RELN: variants seen among roughly 807,000 people sequenced by gnomAD.
The protein encoded by RELN is reelin.
Under a neutral mutation model 427.6 loss-of-function variants are expected in RELN, and 108 were observed. That is an observed-to-expected ratio of 0.25 (90% CI 0.22 to 0.30). The LOEUF (loss-of-function observed/expected upper bound fraction) is 0.30. RELN is among the 10% of genes least tolerant of loss of function. RELN has a pLI of 1.00. For missense variants in RELN, 3,715 were observed against 4,302.8 expected, an observed-to-expected ratio of 0.86 and a Z score of 3.82; for synonymous variants, 1,524 against 1,513.4, an observed-to-expected ratio of 1.01 and a Z score of -0.16.
At chr7:103,940,276 T>A (rs1388600742) in intron 1 of RELN, among the ~76,000 whole-genome samples, 2 of 152,176 alleles carry the variant, frequency 1.3e-5, no homozygotes, top group Admixed American at 6.5e-5. Flanking sequence ...ACTCTCCTTA[T>A]CTGTAAAAGA....
intron 2 of RELN, among the ~76,000 whole-genome samples, chr7:103,852,644 A>C (rs1368249663): frequency 6.6e-6 from 1 of 151,958 alleles, no homozygotes; most frequent in Non-Finnish European, 1.5e-5. Flanking sequence ...TCTGGCAAAG[A>C]AACTTCATTC....
chr7:103,989,558 CGCGGGAGCGCGGGACCGGGGCT>C lies in RELN; in HGVS notation c.-224_-203del, dbSNP rs1797183461. 6.8e-6 allele frequency: 3 copies of C among 440,450 alleles called. No homozygotes were observed. The highest frequency in any genetic ancestry group is 2.1e-5 in the African/African-American group (1 of 47,682). 27.3% of individuals were successfully genotyped at this position (440,450 alleles called of 1,614,324 possible). A position where few individuals can be genotyped will look rare whatever the true frequency, so the allele number is the denominator to read the frequency against. ...GGCGGCTCCCAAAGTTACTTTGGGC[CGCGGGAGCGCGGGACCGGGGCT>C]GCGGGCGCCGAGAGCGCGTCGTCTG... On this transcript the variant is annotated 5_prime_UTR_variant, in exon 1 of 65. Coordinates refer to ENST00000428762, the MANE Select transcript of RELN (RefSeq NM_005045.4). This position sits in a 1 kb window ranked among gnomAD's most constrained non-coding sequence, Gnocchi z 4.9.
chr7:103,722,063 T>A (rs979394189), intron 8 of RELN, among the ~76,000 whole-genome samples: 1 of 152,204 alleles, frequency 6.6e-6, no homozygotes, highest in African/African-American at 2.4e-5. Flanking sequence ...TGATCACACA[T>A]GGACTTCTGA....
intron 1 of RELN, among the ~76,000 whole-genome samples, chr7:103,950,997 T>C (rs771210872): frequency 6.6e-5 from 10 of 152,308 alleles, no homozygotes; most frequent in Non-Finnish European, 1.5e-4. Context: ...GGCATGATTA[T>C]CGGCTCACTG....
At chr7:103,615,343 G>C (rs1288775383) in intron 20 of RELN, among the ~76,000 whole-genome samples, 1 of 152,130 alleles carries the variant, frequency 6.6e-6, no homozygotes, top group East Asian at 1.9e-4. Context: ...ACAGTTCTCT[G>C]CTTAGTCCAT....
At chr7:103,523,657 A>G (rs1829759669) in intron 46 of RELN, 126 bp from the exon 47 acceptor site, 3 of 912,424 alleles carry the variant, frequency 3.3e-6, no homozygotes, top group South Asian at 3.1e-5. Flanking sequence ...TTTTCTGAAA[A>G]GAACATTCAT....
At chr7:103,501,451 T>G (rs1037389546) in intron 52 of RELN, among the ~76,000 whole-genome samples, 2 of 152,216 alleles carry the variant, frequency 1.3e-5, no homozygotes, top group Non-Finnish European at 2.9e-5. Flanking sequence ...AGGGTTATAT[T>G]AAAGGACATT....
intron 4 of RELN, among the ~76,000 whole-genome samples, chr7:103,769,173 C>T (rs1180040936): frequency 6.6e-6 from 1 of 152,144 alleles, no homozygotes; most frequent in African/African-American, 2.4e-5. Context: ...CAAGTAAAGC[C>T]TGAATCCATG....
At chr7:103,939,326 A>T (rs1227890052) in intron 1 of RELN, among the ~76,000 whole-genome samples, 1 of 152,220 alleles carries the variant, frequency 6.6e-6, no homozygotes, top group Non-Finnish European at 1.5e-5. Context: ...GATTAGATAG[A>T]AAATAAATAG....
intron 51 of RELN, 61 bp downstream of exon 51, chr7:103,510,789 GA>G: frequency 7.6e-7 from 1 of 1,320,640 alleles, no homozygotes; most frequent in Non-Finnish European, 1.1e-6. Flanking sequence ...TCTTTTCTCT[GA>G]TATTTTTTGT....
intron 40 of RELN, among the ~76,000 whole-genome samples, chr7:103,551,775 T>C (rs574522116): frequency 1.3e-5 from 2 of 152,300 alleles, no homozygotes; most frequent in Admixed American, 6.5e-5. Context: ...AATACAATCA[T>C]TGTCATCATT....
rs910826251 is a variant in RELN, at chr7:103,569,923, C to G, written c.4588+2261G>C. Among the ~76,000 whole-genome samples, 2 of 152,184 alleles carry G rather than the reference C, an allele frequency of 1.3e-5. No homozygotes were observed. Among genetic ancestry groups the G allele is most frequent in the Non-Finnish European group, 2.9e-5 (2 of 68,038 alleles). ...TCCATCTGCGTTATGCCCAGTCTTA[C>G]TGAAAATAGCATAATTTTGATTTTA... On this transcript the variant is annotated intron_variant, in intron 31 of 64. Transcript: ENST00000428762. The surrounding 1 kb of genome is among the most constrained non-coding windows in gnomAD (Gnocchi z 4.0).
chr7:103,483,983 G>A lies in RELN; in HGVS notation c.9984-133C>T, dbSNP rs10271780. 2,505 of 862,098 alleles carry A rather than the reference G, an allele frequency of 2.9e-3. 41 individuals carry two copies. The African/African-American group carries it at 0.037, about 13-fold the overall frequency. 53.4% of individuals were successfully genotyped at this position (862,098 alleles called of 1,614,324 possible). A position where few individuals can be genotyped will look rare whatever the true frequency, so the allele number is the denominator to read the frequency against. ...CAACGTCTGCCTACTGGGTTCAAGC[G>A]ATTTTCCTGCCTCGGTCTCCCTAGT... On this transcript the variant is annotated intron_variant, in intron 61 of 64. Coordinates refer to ENST00000428762, the MANE Select transcript of RELN (RefSeq NM_005045.4).
chr7:103,621,300 G>T (rs1832212902), intron 20 of RELN, among the ~76,000 whole-genome samples: 1 of 152,086 alleles, frequency 6.6e-6, no homozygotes, highest in African/African-American at 2.4e-5. Context: ...TTTCCATCTT[G>T]AAATTTTATG....
chr7:103,936,195 A>C (rs12530797), intron 1 of RELN, among the ~76,000 whole-genome samples: 69,234 of 151,226 alleles, frequency 0.46, 16,612 homozygotes, highest in East Asian at 0.73. Context: ...CAGGTGCAAG[A>C]AATTCTCGTG....
chr7:103,606,661 G>A (rs1216450380), intron 22 of RELN, among the ~76,000 whole-genome samples: 2 of 152,110 alleles, frequency 1.3e-5, no homozygotes. Context: ...TGTGAAAATG[G>A]GCATGGGGAA....
chr7:103,644,692 T>C (rs1215642848), intron 16 of RELN, among the ~76,000 whole-genome samples: 2 of 151,700 alleles, frequency 1.3e-5, no homozygotes, highest in Admixed American at 6.6e-5. Flanking sequence ...AAGCAAAAAC[T>C]CTGGAAAGTC....
chr7:103,902,273 T>C (rs922867643), intron 2 of RELN, among the ~76,000 whole-genome samples: 4 of 152,046 alleles, frequency 2.6e-5, no homozygotes, highest in African/African-American at 7.2e-5. Flanking sequence ...TTTGTTATTA[T>C]TGAAATGCTA....
chr7:103,929,209 A>G (rs933799630), intron 1 of RELN, among the ~76,000 whole-genome samples: 1 of 152,178 alleles, frequency 6.6e-6, no homozygotes, highest in African/African-American at 2.4e-5. Flanking sequence ...AAACTGAGAA[A>G]TAGTGGTCAG....
Sources: allele counts gnomAD v4.1 joint callset (sites outside exome capture counted in the v4.1 genomes callset), GRCh38; gene constraint gnomAD v4.1.1; non-coding constraint Gnocchi (gnomAD v3.1); transcripts MANE v1.5; gene names NCBI Gene and HGNC (gene_info 2026-07-23, HGNC 2026-07-21).